Variants in SGCZ observed in about 807,000 individuals in gnomAD.
SGCZ encodes the protein sarcoglycan zeta.
SGCZ carries 40 observed loss-of-function variants against 41.3 expected under a neutral mutation model. The observed-to-expected ratio is 0.97, with a 90% confidence interval of 0.75 to 1.26. The LOEUF (loss-of-function observed/expected upper bound fraction) is 1.26, where lower values mean the gene tolerates loss of function less well. SGCZ is among the 50% of genes most tolerant of loss of function. The pLI, the probability that SGCZ is intolerant of heterozygous loss-of-function variation, is 0.00. For synonymous variants in SGCZ, 206 were observed against 137.5 expected, an observed-to-expected ratio of 1.50 and a Z score of -3.49; for missense variants, 552 against 369.8, an observed-to-expected ratio of 1.49 and a Z score of -4.04.
chr8:15,060,784 T>C (rs1804896661), intron 1 of SGCZ, among the ~76,000 whole-genome samples: 1 of 152,044 alleles, frequency 6.6e-6, no homozygotes, highest in Admixed American at 6.6e-5. Flanking sequence ...AAGAGGGTTG[T>C]TTTGTTTTTG....
intron 1 of SGCZ, among the ~76,000 whole-genome samples, chr8:14,832,302 G>C (rs1802559546): frequency 6.6e-6 from 1 of 152,042 alleles, no homozygotes; most frequent in South Asian, 2.1e-4. Flanking sequence ...TAAATATATT[G>C]CTCATGAATG....
chr8:14,309,464 G>A lies in SGCZ; in HGVS notation c.336+14639C>T, dbSNP rs1053820546. On this transcript the variant is annotated intron_variant, in intron 3 of 7. Coordinates refer to ENST00000382080, the MANE Select transcript of SGCZ (RefSeq NM_139167.4). ...ATCTTCTGATGACTGCAGTGATGAT[G>A]TATGTGGCGCTGTTGTTAATGTTAG... 6 of 1,605,774 alleles carry A rather than the reference G, an allele frequency of 3.7e-6. No homozygotes were observed. In the African/African-American group the frequency reaches 4.0e-5, roughly 11 times the overall value.
chr8:14,542,737 G>C (rs1328624881), intron 2 of SGCZ, among the ~76,000 whole-genome samples: 1 of 151,878 alleles, frequency 6.6e-6, no homozygotes, highest in East Asian at 1.9e-4. Flanking sequence ...TTTGGTTTAT[G>C]TGTTTTTATT....
chr8:14,199,256 C>A (rs1037783234), intron 4 of SGCZ, among the ~76,000 whole-genome samples: 3 of 152,110 alleles, frequency 2.0e-5, no homozygotes, highest in South Asian at 2.1e-4. Flanking sequence ...GCTGTCATAG[C>A]GGACAGATGA....
At chr8:14,326,090 CG>C (rs1802099636) in intron 2 of SGCZ, among the ~76,000 whole-genome samples, 1 of 93,722 alleles carries the variant, frequency 1.1e-5, no homozygotes, top group African/African-American at 4.3e-5. Context: ...CCAGCCTGGG[CG>C]AAAGAGTGAG....
chr8:14,326,001 A>C (rs1015640634), intron 2 of SGCZ, among the ~76,000 whole-genome samples: 1 of 147,816 alleles, frequency 6.8e-6, no homozygotes, highest in African/African-American at 2.5e-5. Context: ...AGTCCCAGGT[A>C]CTCGGAAGGC....
At chr8:14,808,993 C>T (rs1801650820) in intron 1 of SGCZ, among the ~76,000 whole-genome samples, 1 of 150,766 alleles carries the variant, frequency 6.6e-6, no homozygotes, top group South Asian at 2.1e-4. Flanking sequence ...AAAAACCAAA[C>T]ACCGCATATT....
chr8:14,295,463 T>C (rs1800976112), intron 3 of SGCZ, among the ~76,000 whole-genome samples: 1 of 152,170 alleles, frequency 6.6e-6, no homozygotes, highest in Non-Finnish European at 1.5e-5. Context: ...AATCTGTCCA[T>C]AATCATTCCT....
intron 4 of SGCZ, among the ~76,000 whole-genome samples, chr8:14,225,845 A>C (rs1433331827): frequency 6.6e-6 from 1 of 152,122 alleles, no homozygotes; most frequent in Non-Finnish European, 1.5e-5. Flanking sequence ...TAAATCAATA[A>C]GAAGGCTTGA....
chr8:14,269,114 T>C (rs889967148), intron 3 of SGCZ, among the ~76,000 whole-genome samples: 55 of 152,216 alleles, frequency 3.6e-4, no homozygotes, highest in African/African-American at 1.1e-3. Flanking sequence ...GATATAGTCA[T>C]AAATTTTTTT....
chr8:14,395,505 A>G (rs1798888659), intron 2 of SGCZ, among the ~76,000 whole-genome samples: 1 of 152,166 alleles, frequency 6.6e-6, no homozygotes, highest in Admixed American at 6.5e-5. Context: ...GGCTAATAAC[A>G]ACAGAGTCCA....
At chr8:14,526,265 A>G (rs917408331) in intron 2 of SGCZ, among the ~76,000 whole-genome samples, 3 of 152,102 alleles carry the variant, frequency 2.0e-5, no homozygotes, top group Non-Finnish European at 4.4e-5. Context: ...TAACTTTGAT[A>G]TGTTGACATG....
chr8:14,702,094 C>G (rs1338566149), intron 1 of SGCZ, among the ~76,000 whole-genome samples: 1 of 152,012 alleles, frequency 6.6e-6, no homozygotes, highest in South Asian at 2.1e-4. Flanking sequence ...CAAAAATGTT[C>G]CTGACAATCC....
chr8:14,793,004 TA>T (rs1801004621), intron 1 of SGCZ, among the ~76,000 whole-genome samples: 1 of 152,232 alleles, frequency 6.6e-6, no homozygotes. Context: ...TTGACAATGC[TA>T]TTTGAATATT....
chr8:14,569,820 G>C (rs978629008), intron 1 of SGCZ, among the ~76,000 whole-genome samples: 23 of 152,284 alleles, frequency 1.5e-4, no homozygotes, highest in African/African-American at 5.1e-4. Flanking sequence ...GAACATTTCA[G>C]GTGGGTGGGG....
intron 1 of SGCZ, among the ~76,000 whole-genome samples, chr8:14,711,452 A>G (rs1809512474): frequency 6.6e-6 from 1 of 151,228 alleles, no homozygotes; most frequent in South Asian, 2.1e-4. Flanking sequence ...AAAAAAAAAA[A>G]AAAGTTAGGC....
At chr8:14,233,927 A>G (rs1324196992) in intron 4 of SGCZ, among the ~76,000 whole-genome samples, 2 of 151,892 alleles carry the variant, frequency 1.3e-5, no homozygotes, top group Non-Finnish European at 2.9e-5. Flanking sequence ...TTCTTTAACC[A>G]CTTCTCAACA....
rs1563143551 is a variant in SGCZ, at chr8:15,134,314, T to TG, written c.39+103270_39+103271insC. Among the ~76,000 whole-genome samples the TG allele has an allele frequency of 4.8e-4, 69 of 142,668 alleles. No homozygotes were observed. In the East Asian group the frequency reaches 0.011, roughly 23 times the overall value. The allele number at this position is 142,668 out of a possible 152,430, so 93.6% of individuals were successfully genotyped here. A position where few individuals can be genotyped will look rare whatever the true frequency, so the allele number is the denominator to read the frequency against. On this transcript the variant is annotated intron_variant, in intron 1 of 7. Coordinates refer to ENST00000382080, the MANE Select transcript of SGCZ (RefSeq NM_139167.4). ...ATAGGAGCATTAGGTCTTTTTTTTT[T>TG]TTGTTTCTTTACTTCCAATAATTTG...
chr8:14,278,887 A>G (rs1800324700), intron 3 of SGCZ, among the ~76,000 whole-genome samples: 1 of 152,152 alleles, frequency 6.6e-6, no homozygotes. Flanking sequence ...TCTACAAGGT[A>G]GTTTTAAATG....
Sources: allele counts gnomAD v4.1 joint callset (sites outside exome capture counted in the v4.1 genomes callset), GRCh38; gene constraint gnomAD v4.1.1; transcripts MANE v1.5; gene names NCBI Gene and HGNC (gene_info 2026-07-23, HGNC 2026-07-21).